Variants in TRPM1 observed in about 807,000 individuals in gnomAD.
The protein encoded by TRPM1 is transient receptor potential cation channel subfamily M member 1, also known as TRPM1-203 APA Isoform, Intron 10.
Under a neutral mutation model 149.4 loss-of-function variants are expected in TRPM1, and 113 were observed. That is an observed-to-expected ratio of 0.76 (90% CI 0.65 to 0.88). The LOEUF (loss-of-function observed/expected upper bound fraction) is 0.88. Ranked by LOEUF, TRPM1 falls within the 40% of genes least tolerant of loss-of-function variation. The pLI is 0.00. For synonymous variants in TRPM1, 741 were observed against 759.5 expected (o/e 0.98, Z 0.40); for missense variants, 1,976 against 2,038.7 (o/e 0.97, Z 0.59).
intron 1 of TRPM1, among the ~76,000 whole-genome samples, chr15:31,118,510 GA>G (rs956673520): frequency 2.1e-4 from 31 of 148,054 alleles, no homozygotes; most frequent in Non-Finnish European, 2.7e-4. Flanking sequence ...GAAAATTTCG[GA>G]AAAAAAAAAC....
At chr15:31,160,044 A>T (rs1056692386) in intron 1 of TRPM1, among the ~76,000 whole-genome samples, 13 of 152,062 alleles carry the variant, frequency 8.5e-5, no homozygotes, top group Non-Finnish European at 1.6e-4. Context: ...CACAATGGGC[A>T]GCCCCCTGGA....
intron 1 of TRPM1, among the ~76,000 whole-genome samples, chr15:31,091,221 G>A (rs2035228957): frequency 6.6e-6 from 1 of 152,202 alleles, no homozygotes; most frequent in Non-Finnish European, 1.5e-5. Flanking sequence ...CGCCTGCTGT[G>A]CTGGAGATCG....
At chr15:31,082,373 G>A (rs2034884617) in intron 1 of TRPM1, among the ~76,000 whole-genome samples, 1 of 152,146 alleles carries the variant, frequency 6.6e-6, no homozygotes, top group African/African-American at 2.4e-5. Context: ...GGACAGTGGA[G>A]GTCATACTGG....
At chr15:31,057,920 G>A (rs991088463) in intron 11 of TRPM1, among the ~76,000 whole-genome samples, 1 of 152,132 alleles carries the variant, frequency 6.6e-6, no homozygotes, top group Admixed American at 6.6e-5. Context: ...CTCTCTCATG[G>A]GCTGCCGTGT....
chr15:31,026,156 G>A lies in TRPM1; in HGVS notation c.3612C>T (p.Ile1204=), dbSNP rs2032729229. The change falls in exon 27 of 28, where the codon ATC becomes ATT. Residue 1204 remains isoleucine, a synonymous_variant. Transcript: ENST00000256552. ...ACACGTACCTTTCAGAAGTGACCCGGATGCGCTCGTCGCTGGACGACTGCT... is the reference window on the plus strand; with the variant it reads ...ACACGTACCTTTCAGAAGTGACCCGAATGCGCTCGTCGCTGGACGACTGCT... The part of the protein sequence containing the change: ...DEQQSSSDER[I]RVTSERVENM... 2 of 1,611,884 alleles carry A rather than the reference G, an allele frequency of 1.2e-6. No individual in the cohort carries two copies. The highest frequency in any genetic ancestry group is 1.7e-5 in the Admixed American group (1 of 60,008).
At chr15:31,011,280 T>C (rs1168561634) in intron 27 of TRPM1, among the ~76,000 whole-genome samples, 2 of 152,228 alleles carry the variant, frequency 1.3e-5, no homozygotes, top group Admixed American at 1.3e-4. Context: ...ATATAATTAC[T>C]GGTAAGGAAG....
intron 1 of TRPM1, among the ~76,000 whole-genome samples, chr15:31,096,144 A>G (rs2035380263): frequency 6.6e-6 from 1 of 150,660 alleles, no homozygotes; most frequent in African/African-American, 2.4e-5. Flanking sequence ...AGAAGGAAGG[A>G]AGGGAGGGAG....
At chr15:31,088,906 C>T (rs148360978) in intron 1 of TRPM1, among the ~76,000 whole-genome samples, 6 of 152,114 alleles carry the variant, frequency 3.9e-5, no homozygotes, top group Admixed American at 2.0e-4. Context: ...TGTTTGCCTA[C>T]CAGAAGTCTG....
At chr15:31,111,414 T>G (rs2035687814) in intron 1 of TRPM1, among the ~76,000 whole-genome samples, 1 of 152,218 alleles carries the variant, frequency 6.6e-6, no homozygotes. Flanking sequence ...TCTGGAGTGA[T>G]GGCAAAATTC....
At chr15:31,009,522 T>C (rs1369995263) in intron 27 of TRPM1, among the ~76,000 whole-genome samples, 2 of 152,170 alleles carry the variant, frequency 1.3e-5, no homozygotes, top group African/African-American at 2.4e-5. Context: ...TCATTTGATA[T>C]GGATTCATTT....
chr15:31,082,764 G>T (rs1410496091), intron 1 of TRPM1, among the ~76,000 whole-genome samples: 3 of 152,188 alleles, frequency 2.0e-5, no homozygotes, highest in Non-Finnish European at 4.4e-5. Flanking sequence ...TCTGGGTGGG[G>T]GTTGCTCAGG....
intron 9 of TRPM1, among the ~76,000 whole-genome samples, 179 bp downstream of exon 9, chr15:31,062,400 G>A (rs1319239354): frequency 1.3e-5 from 2 of 152,126 alleles, no homozygotes; most frequent in Non-Finnish European, 2.9e-5. Flanking sequence ...CCCCTGTGTG[G>A]GCTCGTTCAG....
At chr15:31,153,265 G>A (rs1322301456) in intron 1 of TRPM1, among the ~76,000 whole-genome samples, 1 of 152,150 alleles carries the variant, frequency 6.6e-6, no homozygotes, top group Non-Finnish European at 1.5e-5. Context: ...GGCTTCATCT[G>A]CATAATAAGA....
intron 1 of TRPM1, among the ~76,000 whole-genome samples, chr15:31,109,156 G>A (rs552296314): frequency 6.6e-6 from 1 of 152,056 alleles, no homozygotes; most frequent in East Asian, 1.9e-4. Context: ...CATAAAGGGA[G>A]AGGGAGCTTT....
upstream of TRPM1, among the ~76,000 whole-genome samples, chr15:31,103,814 A>C (rs201313765): frequency 3.9e-5 from 1 of 25,642 alleles, no homozygotes; most frequent in Non-Finnish European, 7.4e-5. Flanking sequence ...CTCTGTATCC[A>C]AAAAAAAAAA....
chr15:31,141,021 G>A (rs1318134590), intron 1 of TRPM1, among the ~76,000 whole-genome samples: 2 of 150,428 alleles, frequency 1.3e-5, no homozygotes, highest in Admixed American at 6.6e-5. Flanking sequence ...TAGTAGAGAC[G>A]GGGTTTCACC....
intron 1 of TRPM1, among the ~76,000 whole-genome samples, chr15:31,124,087 T>G (rs1260716035): frequency 1.3e-5 from 2 of 152,108 alleles, no homozygotes; most frequent in Admixed American, 6.6e-5. Context: ...AGTTTGAGAC[T>G]AGCCTGGCCC....
chr15:31,160,878 C>T, intron 1 of TRPM1: 1 of 1,535,396 alleles, frequency 6.5e-7, no homozygotes, highest in South Asian at 1.2e-5. Flanking sequence ...GCCCAGCTGC[C>T]CGCAGGCCAC....
At chr15:31,113,201 G>A (rs955154074) in intron 1 of TRPM1, among the ~76,000 whole-genome samples, 7 of 152,134 alleles carry the variant, frequency 4.6e-5, no homozygotes, top group Non-Finnish European at 7.4e-5. Context: ...GCTGGTGAAT[G>A]GTAACTCACA....
Sources: gnomAD v4.1 joint callset for allele counts (sites outside exome capture counted in the v4.1 genomes callset) on GRCh38, gnomAD v4.1.1 for gene constraint, MANE v1.5 for transcripts, NCBI Gene and HGNC (gene_info 2026-07-23, HGNC 2026-07-21) for gene names.